DAP3: variants seen among roughly 807,000 people sequenced by gnomAD.
DAP3 encodes the protein small ribosomal subunit protein mS29.
Under a neutral mutation model 51.9 loss-of-function variants are expected in DAP3, and 28 were observed. The observed-to-expected ratio is 0.54, with a 90% CI of 0.40 to 0.74. DAP3 has a LOEUF of 0.74. Among genes scored for constraint, DAP3 ranks in the 30% least tolerant of loss-of-function variants. The probability of loss-of-function intolerance (pLI) is 0.00; values close to 1 mark genes in which losing one functional copy is unlikely to be tolerated. For missense variants in DAP3, 458 were observed against 483.5 expected, an observed-to-expected ratio of 0.95 and a Z score of 0.49; for synonymous variants, 170 against 170.3, an observed-to-expected ratio of 1.00 and a Z score of 0.01.
At position 155,718,299 on chromosome 1, in the gene DAP3, T is replaced by C. The variant is rs190500450; in HGVS notation, c.168+1171T>C. 3.4e-4 allele frequency among the ~76,000 whole-genome samples: 51 copies of C among 152,094 alleles called. 1 individual carries two copies. In the East Asian group the frequency reaches 9.3e-3, roughly 28 times the overall value. ...TACTCAGGAGGCTGAGGCAGGAGAA[T>C]TGCTTGAACCCAGGAGGCAGAAGTT... On this transcript the variant is annotated intron_variant, in intron 3 of 12. Transcript: ENST00000368336.
At chr1:155,737,115 C>T (rs1230121459) in intron 12 of DAP3, 52 bp downstream of exon 12, 3 of 1,299,460 alleles carry the variant, frequency 2.3e-6, no homozygotes, top group Non-Finnish European at 2.2e-6. Flanking sequence ...AGTAGAATCC[C>T]ACTCAGTCAG....
At chr1:155,717,350 C>T (rs916833579) in intron 3 of DAP3, among the ~76,000 whole-genome samples, 1 of 152,188 alleles carries the variant, frequency 6.6e-6, no homozygotes, top group Non-Finnish European at 1.5e-5. Context: ...CCCATGTAAT[C>T]TCTACTAGTG....
chr1:155,731,254 G>A lies in DAP3; in HGVS notation c.844-102G>A, dbSNP rs962265970. 58 of 1,160,458 alleles carry A rather than the reference G, an allele frequency of 5.0e-5. No individual in the cohort carries two copies. In the African/African-American group the frequency reaches 7.6e-4, roughly 15 times the overall value. The allele number at this position is 1,160,458 out of a possible 1,614,324, so 71.9% of individuals were successfully genotyped here. A position where few individuals can be genotyped will look rare whatever the true frequency, so the allele number is the denominator to read the frequency against. On this transcript the variant is annotated intron_variant, in intron 9 of 12. Coordinates refer to ENST00000368336, the MANE Select transcript of DAP3 (RefSeq NM_004632.4). ...TGCACTCCAGCCTGGGCGACAGAGCGAGACTCTGTCAAAAAAAAAAAAAAA... is the reference window on the plus strand; with the variant it reads ...TGCACTCCAGCCTGGGCGACAGAGCAAGACTCTGTCAAAAAAAAAAAAAAA...
Position 155,717,011 on chromosome 1 carries a change from C to T in DAP3, c.51C>T (p.Asp17=), listed in dbSNP as rs377463084. The T allele has an allele frequency of 3.7e-6, 6 of 1,613,340 alleles. No individual in the cohort carries two copies. Among genetic ancestry groups the T allele is most frequent in the African/African-American group, 2.7e-5 (2 of 74,716 alleles). The stretch of plus-strand genomic sequence containing the variant: ...TGAAATGGTTTCTCTTATAGTTGGA[C>T]CCTGGGCGTTTTTTACACATGGGGA... ...TRLISRIHKL[D]PGRFLHMGTQ... is the part of the protein sequence containing the mutation. Residue 17 remains aspartate, a synonymous_variant, in exon 3 of 13, where the codon GAC becomes GAT. Coordinates refer to ENST00000368336, the MANE Select transcript of DAP3 (RefSeq NM_004632.4).
intron 2 of DAP3, among the ~76,000 whole-genome samples, chr1:155,714,610 C>T (rs951622155): frequency 6.6e-6 from 1 of 151,624 alleles, no homozygotes; most frequent in African/African-American, 2.4e-5. Flanking sequence ...ACTAAAAATA[C>T]AAAAATTAGT....
chr1:155,689,869 G>A (rs1386163161), intron 1 of DAP3, among the ~76,000 whole-genome samples: 2 of 151,922 alleles, frequency 1.3e-5, no homozygotes, highest in Admixed American at 6.6e-5. Context: ...CCGAGATCGC[G>A]CCACTGCACT....
Position 155,727,702 on chromosome 1 carries a change from G to GA in DAP3, c.569dup (p.Asn190LysfsTer7). The GA allele has an allele frequency of 6.2e-7, 1 of 1,613,752 alleles. No individual in the cohort carries two copies. Among genetic ancestry groups the GA allele is most frequent in the Non-Finnish European group, 8.5e-7 (1 of 1,179,866 alleles). ...CTTTAGAGGCTTCAACCTGGCTGAA[G>GA]AATTTCAAAACTACAAATGAGCGCT... is the stretch of plus-strand genomic sequence containing the variant. On this transcript the variant is annotated frameshift_variant, in exon 7 of 13. Coordinates refer to ENST00000368336, the MANE Select transcript of DAP3 (RefSeq NM_004632.4). LOFTEE classifies it high-confidence loss of function.
intron 3 of DAP3, among the ~76,000 whole-genome samples, chr1:155,720,274 G>A (rs192064407): frequency 5.4e-4 from 72 of 133,856 alleles, no homozygotes; most frequent in African/African-American, 1.9e-3. Flanking sequence ...TCAGTGAGCC[G>A]TGATTGTACC....
chr1:155,700,742 G>T (rs1358814907), intron 1 of DAP3, among the ~76,000 whole-genome samples: 1 of 146,310 alleles, frequency 6.8e-6, no homozygotes, highest in Non-Finnish European at 1.5e-5. Flanking sequence ...CGGGAGGGAG[G>T]TGGGGGGGTC....
chr1:155,724,194 CA>C (rs1375171161), intron 4 of DAP3, among the ~76,000 whole-genome samples: 1 of 151,976 alleles, frequency 6.6e-6, no homozygotes, highest in African/African-American at 2.4e-5. Context: ...ATTCTGGTAG[CA>C]AAAGGGGAAT....
At chr1:155,727,246 C>G (rs1230150215) in intron 6 of DAP3, among the ~76,000 whole-genome samples, 1 of 151,904 alleles carries the variant, frequency 6.6e-6, no homozygotes, top group Non-Finnish European at 1.5e-5. Context: ...TTCAAACCTG[C>G]CAGAAAGCAG....
chr1:155,717,311 T>C (rs566587121), intron 3 of DAP3, among the ~76,000 whole-genome samples, 183 bp downstream of exon 3: 19 of 152,292 alleles, frequency 1.2e-4, no homozygotes, highest in Middle Eastern at 3.4e-3. Flanking sequence ...TGTGGTAACA[T>C]ACACTGGCCA....
At chr1:155,733,030 A>T (rs1378496109) in intron 11 of DAP3, among the ~76,000 whole-genome samples, 4 of 152,240 alleles carry the variant, frequency 2.6e-5, no homozygotes, top group African/African-American at 9.6e-5. Context: ...TCTCAAAAAA[A>T]AGAAAAAGTT....
chr1:155,728,073 T>C (rs1658802061), intron 7 of DAP3, among the ~76,000 whole-genome samples: 1 of 151,898 alleles, frequency 6.6e-6, no homozygotes, highest in South Asian at 2.1e-4. Flanking sequence ...GAACCAGAAA[T>C]GTATTGGAAA....
chr1:155,705,619 A>T (rs1243756470), intron 1 of DAP3, among the ~76,000 whole-genome samples: 2 of 146,280 alleles, frequency 1.4e-5, no homozygotes, highest in African/African-American at 5.0e-5. Context: ...AAAAAGAAAG[A>T]AAAAAAAAAC....
rs1658051618 is a variant in DAP3, at chr1:155,721,759, G to C, written c.270+141G>C. 13 of 729,244 alleles carry C rather than the reference G, an allele frequency of 1.8e-5. No homozygotes were observed. In the South Asian group the frequency reaches 2.3e-4, roughly 13 times the overall value. 45.2% of individuals were successfully genotyped at this position (729,244 alleles called of 1,614,324 possible). On this transcript the variant is annotated intron_variant, in intron 4 of 12. Coordinates refer to ENST00000368336, the MANE Select transcript of DAP3 (RefSeq NM_004632.4). ...GAAATTCATGTGTTGATTACCTTTT[G>C]TGACTAGTACAATTACTTTAAGCTC...
At chr1:155,718,433 C>A (rs1402564145) in intron 3 of DAP3, among the ~76,000 whole-genome samples, 1 of 151,580 alleles carries the variant, frequency 6.6e-6, no homozygotes, top group African/African-American at 2.4e-5. Flanking sequence ...GCCTGTAATC[C>A]CAGCATTTTG....
chr1:155,721,380 G>GTA (rs909574030), intron 3 of DAP3, 137 bp from the exon 4 acceptor site: 79 of 393,286 alleles, frequency 2.0e-4, no homozygotes, highest in Middle Eastern at 1.5e-3. Context: ...GTATGTATGT[G>GTA]TATATATATA....
intron 1 of DAP3, among the ~76,000 whole-genome samples, chr1:155,700,760 C>A (rs1303620176): frequency 6.9e-6 from 1 of 144,354 alleles, no homozygotes; most frequent in Non-Finnish European, 1.5e-5. Context: ...GTCAGCCCTC[C>A]GCCCAGCCAG....
Sources: allele counts gnomAD v4.1 joint callset (sites outside exome capture counted in the v4.1 genomes callset), GRCh38; gene constraint gnomAD v4.1.1; transcripts MANE v1.5; gene names NCBI Gene and HGNC (gene_info 2026-07-23, HGNC 2026-07-21).